The following CLIP2 variants were observed in gnomAD, a reference collection of about 807,000 sequenced individuals.
CLIP2 encodes CAP-Gly domain-containing linker protein 2.
A neutral mutation model predicts 111.7 loss-of-function variants in CLIP2; 41 were observed. The observed-to-expected ratio is 0.37, with a 90% CI of 0.29 to 0.48. CLIP2 has a LOEUF of 0.48. Among genes scored for constraint, CLIP2 ranks in the 20% least tolerant of loss-of-function variants. The pLI, the probability that CLIP2 is intolerant of heterozygous loss-of-function variation, is 0.99. For synonymous variants in CLIP2, 660 were observed against 644.2 expected (o/e 1.02, Z -0.37); for missense variants, 1,160 against 1,422.1 (o/e 0.82, Z 2.96).
At chr7:74,371,644 A>G (rs1201576449) in intron 8 of CLIP2, among the ~76,000 whole-genome samples, 2 of 124,460 alleles carry the variant, frequency 1.6e-5, no homozygotes, top group African/African-American at 6.3e-5. Context: ...ATGGAGAGAG[A>G]GAGGGAGGGA....
intron 14 of CLIP2, among the ~76,000 whole-genome samples, chr7:74,397,824 G>A (rs896478461): frequency 6.6e-6 from 1 of 151,352 alleles, no homozygotes; most frequent in East Asian, 2.0e-4. Context: ...CCGCCACCAC[G>A]CCTGGCTAAT....
At chr7:74,331,830 C>T (rs904712323) in intron 2 of CLIP2, among the ~76,000 whole-genome samples, 10 of 152,192 alleles carry the variant, frequency 6.6e-5, no homozygotes, top group African/African-American at 2.2e-4. Flanking sequence ...CCGCCTCAGT[C>T]TCAAAGTGCT....
In CLIP2 at chr7:74,317,426, G is replaced by A. The variant is rs921908402; in HGVS notation, c.-67-54G>A. 4 of 1,209,872 alleles carry A rather than the reference G, an allele frequency of 3.3e-6. No homozygotes were observed. The African/African-American group carries it at 6.2e-5, about 19-fold the overall frequency. The allele number at this position is 1,209,872 out of a possible 1,614,324, so 74.9% of individuals were successfully genotyped here. ...TGTGTGTTGCTTGATGGCCCTTGAG[G>A]GTCTGGGGGCCATTGGGAAGTGATG... On this transcript the variant is annotated intron_variant, in intron 1 of 16. Coordinates refer to ENST00000223398, the MANE Select transcript of CLIP2 (RefSeq NM_003388.5).
chr7:74,344,112 T>C (rs1330374209), intron 3 of CLIP2, among the ~76,000 whole-genome samples: 1 of 152,138 alleles, frequency 6.6e-6, no homozygotes, highest in East Asian at 1.9e-4. Flanking sequence ...TAACCCTAGT[T>C]TGATCCCGCC....
chr7:74,396,828 C>A (rs370899255), intron 13 of CLIP2, among the ~76,000 whole-genome samples: 1 of 152,030 alleles, frequency 6.6e-6, no homozygotes, highest in African/African-American at 2.4e-5. Context: ...GCACTCCCCC[C>A]ACAACAACTT....
At chr7:74,367,092 TCTAATCCAGTC>T (rs1369457075) in intron 8 of CLIP2, among the ~76,000 whole-genome samples, 1 of 152,156 alleles carries the variant, frequency 6.6e-6, no homozygotes, top group African/African-American at 2.4e-5. Context: ...TAGGGCCCAC[TCTAATCCAGTC>T]CTAATCCAGT....
intron 1 of CLIP2, among the ~76,000 whole-genome samples, chr7:74,293,761 C>T (rs1554725689): frequency 6.6e-6 from 1 of 152,140 alleles, no homozygotes; most frequent in Non-Finnish European, 1.5e-5. Flanking sequence ...AACCAGAGTG[C>T]ACTGATCAGG....
intron 4 of CLIP2, among the ~76,000 whole-genome samples, chr7:74,354,494 A>G (rs1276792127): frequency 6.6e-6 from 1 of 152,194 alleles, no homozygotes; most frequent in Non-Finnish European, 1.5e-5. Context: ...ACACGCCTGT[A>G]ATCCCAGCTA....
Position 74,317,460 on chromosome 7 carries a change from T to C in CLIP2, c.-67-20T>C. On this transcript the variant is annotated intron_variant, in intron 1 of 16. Transcript: ENST00000223398. ...GCCATTGGGAAGTGATGATGTGATC[T>C]CTCCTGTCTCTGCCCGCAGGTGAGT... 7.6e-7 allele frequency: 1 copy of C among 1,311,134 alleles called. No homozygotes were observed. Among genetic ancestry groups the C allele is most frequent in the Non-Finnish European group, 9.8e-7 (1 of 1,024,766 alleles). 81.2% of individuals were successfully genotyped at this position (1,311,134 alleles called of 1,614,324 possible).
intron 10 of CLIP2, among the ~76,000 whole-genome samples, chr7:74,377,957 C>G (rs1790838776): frequency 6.6e-6 from 1 of 151,900 alleles, no homozygotes; most frequent in Admixed American, 6.6e-5. Flanking sequence ...TCCCAAGTAG[C>G]TGCAATTACA....
At chr7:74,366,978 G>A (rs1279290000) in intron 8 of CLIP2, among the ~76,000 whole-genome samples, 3 of 151,446 alleles carry the variant, frequency 2.0e-5, no homozygotes, top group Non-Finnish European at 2.9e-5. Flanking sequence ...ATGCTCCTTG[G>A]CCTGTATAAC....
intron 13 of CLIP2, among the ~76,000 whole-genome samples, chr7:74,390,646 C>A (rs532966429): frequency 6.6e-6 from 1 of 151,512 alleles, no homozygotes; most frequent in Non-Finnish European, 1.5e-5. Context: ...GCAGCCTGGG[C>A]GGTGGCAGTA....
In CLIP2 at chr7:74,338,807, G is replaced by T; in HGVS notation, c.481G>T (p.Val161Leu). 1.2e-6 allele frequency: 2 copies of T among 1,611,244 alleles called. No individual in the cohort carries two copies. The highest frequency in any genetic ancestry group is 1.7e-6 in the Non-Finnish European group (2 of 1,179,860). The change falls in exon 3 of 17, where the codon GTG becomes TTG. Residue 161 changes from valine (V) to leucine (L), a missense_variant. By Grantham distance (32) the Val-to-Leu change is conservative. Around this residue, in one of 5 missense-constraint regions of CLIP2, gnomAD observed 301 missense variants for 315.2 expected, o/e 0.96. Coordinates refer to ENST00000223398, the MANE Select transcript of CLIP2 (RefSeq NM_003388.5). The surrounding 1 kb of genome is among the most constrained non-coding windows in gnomAD (Gnocchi z 4.3). ...GGGCTCGGGGAGTGATGCCCACTCC[G>T]TGGAGTCGCTGACTGCCCAGAACCT... ...AEGSGSDAHS[V>L]ESLTAQNLSL...
chr7:74,327,975 G>A (rs1789165118), intron 2 of CLIP2, among the ~76,000 whole-genome samples: 1 of 152,194 alleles, frequency 6.6e-6, no homozygotes, highest in South Asian at 2.1e-4. Flanking sequence ...AGTGGGGTTT[G>A]GAGTTCCATT....
At chr7:74,364,082 A>G (rs1554310315) in intron 7 of CLIP2, among the ~76,000 whole-genome samples, 173 bp from the exon 8 acceptor site, 1 of 152,170 alleles carries the variant, frequency 6.6e-6, no homozygotes, top group African/African-American at 2.4e-5. Flanking sequence ...CCTAGAGTGC[A>G]GGTCAGCAGG....
In CLIP2 at chr7:74,294,561, G is replaced by A. The variant is rs535723977; in HGVS notation, c.-68+4827G>A. Among the ~76,000 whole-genome samples, 30 of 152,226 alleles carry A rather than the reference G, an allele frequency of 2.0e-4. 1 individual carries two copies. The South Asian group carries it at 5.2e-3, about 26-fold the overall frequency. ...TTTTGGTCCCTTGGGATGAGAGGGC[G>A]GAATTTCCGGCTCACCAGGAGGAGC... On this transcript the variant is annotated intron_variant, in intron 1 of 16. Coordinates refer to ENST00000223398, the MANE Select transcript of CLIP2 (RefSeq NM_003388.5).
chr7:74,342,260 G>A (rs182292811), intron 3 of CLIP2, among the ~76,000 whole-genome samples: 14 of 152,092 alleles, frequency 9.2e-5, no homozygotes, highest in East Asian at 5.8e-4. Flanking sequence ...CCTGTAGTCC[G>A]AGCTACTCGG....
chr7:74,301,398 A>T, intron 1 of CLIP2, among the ~76,000 whole-genome samples: 1 of 152,100 alleles, frequency 6.6e-6, no homozygotes, highest in Non-Finnish European at 1.5e-5. Flanking sequence ...TGTTATTATT[A>T]TTGAGACGGA....
At chr7:74,372,820 C>CCT in intron 8 of CLIP2, 112 bp from the exon 9 acceptor site, 1 of 679,876 alleles carries the variant, frequency 1.5e-6, no homozygotes, top group South Asian at 1.7e-5. Flanking sequence ...GAAGATGACG[C>CCT]CTCCTCTCTC....
Sources: gnomAD v4.1 joint callset for allele counts (sites outside exome capture counted in the v4.1 genomes callset) on GRCh38, gnomAD v4.1.1 for gene constraint, gnomAD v4.1.1 regional missense constraint, Gnocchi (gnomAD v3.1) non-coding constraint, MANE v1.5 for transcripts, NCBI Gene and HGNC (gene_info 2026-07-23, HGNC 2026-07-21) for gene names.